The following ADAMTS17 variants were observed in gnomAD, a reference collection of about 807,000 sequenced individuals.
ADAMTS17 encodes the protein A disintegrin and metalloproteinase with thrombospondin motifs 17.
Under a neutral mutation model 141.5 loss-of-function variants are expected in ADAMTS17, and 113 were observed. The ratio of observed to expected loss-of-function variants is 0.80; its 90% confidence interval spans 0.69 to 0.93. The LOEUF (loss-of-function observed/expected upper bound fraction) is 0.93. ADAMTS17 is among the 40% of genes least tolerant of loss of function. ADAMTS17 has a pLI of 0.00. For missense variants in ADAMTS17, 1,659 were observed against 1,517.9 expected (o/e 1.09, Z -1.54); for synonymous variants, 768 against 630.6 (o/e 1.22, Z -3.27).
At chr15:100,274,346 T>A (rs2142046385) in intron 4 of ADAMTS17, among the ~76,000 whole-genome samples, 1 of 152,370 alleles carries the variant, frequency 6.6e-6, no homozygotes, top group Middle Eastern at 3.4e-3. Flanking sequence ...ATTTTGATGA[T>A]CTGTTATCAG....
intron 8 of ADAMTS17, among the ~76,000 whole-genome samples, chr15:100,170,763 C>T (rs749093905): frequency 2.0e-5 from 3 of 152,142 alleles, no homozygotes; most frequent in African/African-American, 7.2e-5. Context: ...AAGATTTTTC[C>T]AATTCCACCT....
intron 3 of ADAMTS17, among the ~76,000 whole-genome samples, chr15:100,320,720 C>A (rs887137331): frequency 3.3e-5 from 5 of 152,128 alleles, no homozygotes; most frequent in Admixed American, 1.3e-4. Flanking sequence ...GTAGTCCCAG[C>A]TACTCGAAAG....
rs2060739450 is a variant in ADAMTS17 at position 99,993,777 on chromosome 15, T to C, written c.2797-577A>G. 6.6e-6 allele frequency among the ~76,000 whole-genome samples: 1 copy of C among 152,096 alleles called. No individual in the cohort carries two copies. Among genetic ancestry groups the C allele is most frequent in the Non-Finnish European group, 1.5e-5 (1 of 68,020 alleles). ...GGAAAGCCTTTGCAGAGAGCTCCAG[T>C]GAATGTCTGAATGCAGACACCAAGA... On this transcript the variant is annotated intron_variant, in intron 19 of 21. Transcript: ENST00000268070. The surrounding 1 kb of genome is among the most constrained non-coding windows in gnomAD (Gnocchi z 4.3).
intron 15 of ADAMTS17, among the ~76,000 whole-genome samples, chr15:100,069,371 C>G (rs967308491): frequency 5.3e-5 from 8 of 152,110 alleles, no homozygotes; most frequent in African/African-American, 1.4e-4. Context: ...GGCCAACACT[C>G]AAATTCAGGA....
intron 8 of ADAMTS17, among the ~76,000 whole-genome samples, chr15:100,186,638 T>A (rs2040728507): frequency 6.6e-6 from 1 of 152,220 alleles, no homozygotes; most frequent in African/African-American, 2.4e-5. Context: ...CCTCTACTAA[T>A]AAGCATCCAT....
intron 4 of ADAMTS17, among the ~76,000 whole-genome samples, chr15:100,268,824 C>T (rs11854216): frequency 0.67 from 101,058 of 151,342 alleles, 34,159 homozygotes; most frequent in East Asian, 0.91. Context: ...ACAGCCAAAG[C>T]AATCCTAAGC....
chr15:100,256,372 A>G (rs1377139268), intron 6 of ADAMTS17: 2 of 152,216 alleles, frequency 1.3e-5, no homozygotes, highest in Admixed American at 6.5e-5. Flanking sequence ...ATGGGGCACC[A>G]CAAGTTACAC....
At chr15:100,172,684 T>G (rs1180939967) in intron 8 of ADAMTS17, among the ~76,000 whole-genome samples, 1 of 152,202 alleles carries the variant, frequency 6.6e-6, no homozygotes, top group Non-Finnish European at 1.5e-5. Flanking sequence ...GGAATTAGCT[T>G]AGACTGTGCG....
intron 7 of ADAMTS17, among the ~76,000 whole-genome samples, chr15:100,200,090 C>T (rs2041267371): frequency 6.6e-6 from 1 of 152,244 alleles, no homozygotes; most frequent in African/African-American, 2.4e-5. Context: ...TTGAAGTCCT[C>T]AGTGAGCACC....
intron 15 of ADAMTS17, among the ~76,000 whole-genome samples, chr15:100,088,181 C>G (rs2035230097): frequency 6.6e-6 from 1 of 152,154 alleles, no homozygotes; most frequent in Non-Finnish European, 1.5e-5. Context: ...CACAAGCATT[C>G]TTATACACCA....
intron 20 of ADAMTS17, among the ~76,000 whole-genome samples, chr15:99,985,472 GAT>G (rs1315240631): frequency 6.8e-6 from 1 of 146,106 alleles, no homozygotes; most frequent in Non-Finnish European, 1.5e-5. Flanking sequence ...CTCCTAGAGA[GAT>G]AAGAGATTTA....
At chr15:100,188,030 G>A (rs1284104953) in intron 8 of ADAMTS17, among the ~76,000 whole-genome samples, 2 of 152,128 alleles carry the variant, frequency 1.3e-5, no homozygotes, top group African/African-American at 4.8e-5. Flanking sequence ...GCTGCAATGA[G>A]TTGCGATCAC....
At chr15:100,265,122 A>G (rs1292564303) in intron 4 of ADAMTS17, among the ~76,000 whole-genome samples, 1 of 152,186 alleles carries the variant, frequency 6.6e-6, no homozygotes, top group Non-Finnish European at 1.5e-5. Context: ...AGGCCTGAAC[A>G]CAGCTCAAGC....
rs137863682 is a variant in ADAMTS17 at position 100,331,019 on chromosome 15, T to C, written c.486A>G (p.Leu162=). Reference sequence around the variant, plus strand: ...CCTGGGAGTTGTTGAGGGGCTGGATTAGCACCTGCTCCTGCCCAAGCTGAA... The same window carrying C: ...CCTGGGAGTTGTTGAGGGGCTGGATCAGCACCTGCTCCTGCCCAAGCTGAA... ...GLIQLGQEQV[L]IQPLNNSQGP... Residue 162 remains leucine (L), a synonymous_variant, in exon 3 of 22, where the codon CTA becomes CTG. Coordinates refer to ENST00000268070, the MANE Select transcript of ADAMTS17 (RefSeq NM_139057.4). The C allele has an allele frequency of 8.9e-5, 144 of 1,614,132 alleles. No individual in the cohort carries two copies. The African/African-American group carries it at 1.7e-3, about 20-fold the overall frequency.
Position 100,102,586 on chromosome 15 carries a change from T to A in ADAMTS17, c.2017-6110A>T, listed in dbSNP as rs141435318. On this transcript the variant is annotated intron_variant, in intron 14 of 21. Transcript: ENST00000268070. ...CGAAGGGGCTCTACATTTGAAGGCC[T>A]ACTGAAGGAGATCTACATTTGAAGG... Among the ~76,000 whole-genome samples the A allele has an allele frequency of 4.7e-3, 700 of 148,190 alleles. 6 individuals carry two copies. Among genetic ancestry groups the A allele is most frequent in the Middle Eastern group, 0.021 (6 of 284 alleles).
intron 10 of ADAMTS17, among the ~76,000 whole-genome samples, chr15:100,149,336 T>C (rs1041172117): frequency 5.9e-5 from 9 of 152,262 alleles, no homozygotes; most frequent in Admixed American, 2.0e-4. Flanking sequence ...GTGTGTTGGA[T>C]AGAGTTCAAA....
chr15:100,329,194 C>T (rs766260130), intron 3 of ADAMTS17, among the ~76,000 whole-genome samples: 29 of 152,042 alleles, frequency 1.9e-4, no homozygotes, highest in Admixed American at 5.2e-4. Context: ...GCCTCTGTGC[C>T]GGTACGTCAA....
At chr15:100,006,421 C>G (rs2061037348) in intron 18 of ADAMTS17, among the ~76,000 whole-genome samples, 1 of 152,178 alleles carries the variant, frequency 6.6e-6, no homozygotes, top group Admixed American at 6.5e-5. Flanking sequence ...AGGTAAAGGC[C>G]TTGTGAGGTC....
At chr15:100,270,177 GAGCC>G (rs2043856089) in intron 4 of ADAMTS17, among the ~76,000 whole-genome samples, 1 of 133,424 alleles carries the variant, frequency 7.5e-6, no homozygotes, top group Non-Finnish European at 1.8e-5. Context: ...TGTGGCTCTG[GAGCC>G]ATTTCTTCTG....
Sources: gnomAD v4.1 joint callset for allele counts (sites outside exome capture counted in the v4.1 genomes callset) on GRCh38, gnomAD v4.1.1 for gene constraint, Gnocchi (gnomAD v3.1) non-coding constraint, MANE v1.5 for transcripts, NCBI Gene and HGNC (gene_info 2026-07-23, HGNC 2026-07-21) for gene names.